The following PSMB5 variants were observed in gnomAD, a reference collection of about 807,000 sequenced individuals.
PSMB5 encodes the protein proteasome subunit beta type-5.
A neutral mutation model predicts 22.8 loss-of-function variants in PSMB5; 2 were observed. That is an observed-to-expected ratio of 0.09 (90% confidence interval 0.04 to 0.28). The LOEUF (loss-of-function observed/expected upper bound fraction) is 0.28, where lower values mean the gene tolerates loss of function less well. PSMB5 is among the 10% of genes least tolerant of loss of function. The probability of loss-of-function intolerance (pLI) is 1.00; values close to 1 mark genes in which losing one functional copy is unlikely to be tolerated. For missense variants in PSMB5, 269 were observed against 343.8 expected (o/e 0.78, Z 1.72); for synonymous variants, 133 against 135.3 (o/e 0.98, Z 0.12).
chr14:23,030,246 T>C (rs1215133099), intron 2 of PSMB5, among the ~76,000 whole-genome samples: 1 of 149,866 alleles, frequency 6.7e-6, no homozygotes, highest in Non-Finnish European at 1.5e-5. Flanking sequence ...TCCCAGCACT[T>C]TGGGAGGCCG....
chr14:23,029,286 C>G (rs1262229851), intron 2 of PSMB5, among the ~76,000 whole-genome samples: 1 of 152,176 alleles, frequency 6.6e-6, no homozygotes, highest in Non-Finnish European at 1.5e-5. Flanking sequence ...GGGGGGTCAT[C>G]ATCTGGTTCC....
intron 2 of PSMB5, among the ~76,000 whole-genome samples, chr14:23,032,662 C>T (rs2046961720): frequency 6.7e-6 from 1 of 148,974 alleles, no homozygotes; most frequent in Admixed American, 6.7e-5. Flanking sequence ...GCAGTGGCAC[C>T]ATCTCGACTC....
intron 2 of PSMB5, among the ~76,000 whole-genome samples, chr14:23,032,106 GA>G (rs1265120977): frequency 6.6e-6 from 1 of 152,068 alleles, no homozygotes; most frequent in African/African-American, 2.4e-5. Flanking sequence ...TCAAAAAAGA[GA>G]GGAGCCCAAA....
At chr14:23,027,043 T>A (rs1212336645) in intron 2 of PSMB5, among the ~76,000 whole-genome samples, 1 of 135,548 alleles carries the variant, frequency 7.4e-6, no homozygotes, top group East Asian at 2.4e-4. Context: ...GATCGCGCCA[T>A]TGCACTCCAG....
intron 2 of PSMB5, 80 bp from the exon 3 acceptor site, chr14:23,026,455 TTC>T (rs2046914392): frequency 6.5e-7 from 1 of 1,527,830 alleles, no homozygotes. Flanking sequence ...AAGGCAGTAG[TTC>T]TTTTTTTTTG....
chr14:23,028,042 C>T (rs1594712201), intron 2 of PSMB5, among the ~76,000 whole-genome samples: 1 of 152,110 alleles, frequency 6.6e-6, no homozygotes, highest in Non-Finnish European at 1.5e-5. Flanking sequence ...ACTCAGGAGG[C>T]GGAGGCAGGA....
At chr14:23,027,306 G>A (rs1282411467) in intron 2 of PSMB5, among the ~76,000 whole-genome samples, 2 of 150,188 alleles carry the variant, frequency 1.3e-5, no homozygotes, top group South Asian at 2.1e-4. Context: ...GCGTAAACCC[G>A]GGAGGCGGAG....
chr14:23,033,091 G>T (rs1445263048), intron 2 of PSMB5, among the ~76,000 whole-genome samples: 1 of 151,784 alleles, frequency 6.6e-6, no homozygotes, highest in East Asian at 1.9e-4. Context: ...ATTTTTAGTA[G>T]AGATGGGGTT....
At chr14:23,028,351 T>G (rs1232839372) in intron 2 of PSMB5, among the ~76,000 whole-genome samples, 1 of 152,200 alleles carries the variant, frequency 6.6e-6, no homozygotes, top group Non-Finnish European at 1.5e-5. Context: ...CACAGGAGGA[T>G]AATAAAGCCT....
chr14:23,029,001 T>C (rs939065364), intron 2 of PSMB5, among the ~76,000 whole-genome samples: 1 of 152,220 alleles, frequency 6.6e-6, no homozygotes, highest in African/African-American at 2.4e-5. Context: ...CTCTTTTTCC[T>C]GTTTCAGTGA....
At chr14:23,030,491 TA>T (rs748552372) in intron 2 of PSMB5, among the ~76,000 whole-genome samples, 331 of 132,092 alleles carry the variant, frequency 2.5e-3, no homozygotes, top group Middle Eastern at 7.7e-3. Flanking sequence ...TCCGTCTCAA[TA>T]AAAAAAAAAA....
intron 2 of PSMB5, among the ~76,000 whole-genome samples, chr14:23,032,293 A>G (rs2046958453): frequency 6.6e-6 from 1 of 151,898 alleles, no homozygotes; most frequent in Non-Finnish European, 1.5e-5. Context: ...AAAAATATAA[A>G]ATTAGCTGGG....
intron 2 of PSMB5, among the ~76,000 whole-genome samples, chr14:23,031,980 A>G (rs2046955565): frequency 6.6e-6 from 1 of 151,888 alleles, no homozygotes; most frequent in Non-Finnish European, 1.5e-5. Flanking sequence ...TCTCAGCTAC[A>G]TGGAAGGTTG....
At position 23,026,081 on chromosome 14, in the gene PSMB5, A is replaced by AC. The variant is rs761732182; in HGVS notation, c.*7dup. ...CCAAGAAACACAAGCAGCTGCATCC[A>AC]CCCTCTTTCAGGGGGTAGAGCCACT... is the stretch of plus-strand genomic sequence containing the variant. On this transcript the variant is annotated 3_prime_UTR_variant, in exon 3 of 3. Coordinates refer to ENST00000361611, the MANE Select transcript of PSMB5 (RefSeq NM_002797.5). 1.1e-5 allele frequency: 17 copies of AC among 1,612,872 alleles called. No individual in the cohort carries two copies. The highest frequency in any genetic ancestry group is 1.4e-5 in the Non-Finnish European group (17 of 1,179,020).
At chr14:23,028,976 C>A (rs2046934672) in intron 2 of PSMB5, among the ~76,000 whole-genome samples, 1 of 152,184 alleles carries the variant, frequency 6.6e-6, no homozygotes, top group Non-Finnish European at 1.5e-5. Context: ...TGAAATTCTG[C>A]CAATAGCATC....
chr14:23,027,347 C>G (rs1308867828), intron 2 of PSMB5, among the ~76,000 whole-genome samples: 2 of 144,888 alleles, frequency 1.4e-5, no homozygotes, highest in African/African-American at 5.2e-5. Context: ...CGCCACTGCA[C>G]TCCAGCCTGG....
At chr14:23,033,174 C>T (rs1309511068) in intron 2 of PSMB5, among the ~76,000 whole-genome samples, 194 bp downstream of exon 2, 1 of 151,030 alleles carries the variant, frequency 6.6e-6, no homozygotes, top group Non-Finnish European at 1.5e-5. Context: ...GAGATCATGC[C>T]ACTGCACTCC....
At chr14:23,033,079 G>A (rs1445571032) in intron 2 of PSMB5, among the ~76,000 whole-genome samples, 2 of 151,028 alleles carry the variant, frequency 1.3e-5, no homozygotes, top group Non-Finnish European at 3.0e-5. Context: ...GCTAATTTTT[G>A]TATTTTTAGT....
intron 2 of PSMB5, 129 bp downstream of exon 2, chr14:23,033,239 A>G: frequency 1.0e-6 from 1 of 959,824 alleles, no homozygotes; most frequent in Non-Finnish European, 1.5e-6. Context: ...AAAAAAAGAG[A>G]GAAGGAAGGG....
Sources: allele counts gnomAD v4.1 joint callset (sites outside exome capture counted in the v4.1 genomes callset), GRCh38; gene constraint gnomAD v4.1.1; transcripts MANE v1.5; gene names NCBI Gene and HGNC (gene_info 2026-07-23, HGNC 2026-07-21).